ZBTB40: variants seen among roughly 807,000 people sequenced by gnomAD.
ZBTB40 encodes the protein zinc finger and BTB domain containing 40, also known as zinc finger and BTB domain-containing protein 40.
ZBTB40 carries 60 observed loss-of-function variants against 117.5 expected under a neutral mutation model. That is an observed-to-expected ratio of 0.51 (90% CI 0.41 to 0.63). The LOEUF (loss-of-function observed/expected upper bound fraction) is 0.63. Among genes scored for constraint, ZBTB40 ranks in the 30% least tolerant of loss-of-function variants. The probability of loss-of-function intolerance (pLI) is 0.00; values close to 1 mark genes in which losing one functional copy is unlikely to be tolerated. For synonymous variants in ZBTB40, 525 were observed against 577.1 expected, an observed-to-expected ratio of 0.91 and a Z score of 1.29; for missense variants, 1,287 against 1,498.5, an observed-to-expected ratio of 0.86 and a Z score of 2.33.
At position 22,524,655 on chromosome 1, in the gene ZBTB40, T is replaced by C. The variant is rs117947137; in HGVS notation, c.3525+211T>C. On this transcript the variant is annotated intron_variant, in intron 17 of 17. Coordinates refer to ENST00000375647, the MANE Select transcript of ZBTB40 (RefSeq NM_014870.4). ...GGTAGAGGGAGCCTGGAACAATAATTTCCAAAAGAGGAACAGCTTGGTTCC... is the reference window on the plus strand; with the variant it reads ...GGTAGAGGGAGCCTGGAACAATAATCTCCAAAAGAGGAACAGCTTGGTTCC... 1.2e-4 allele frequency among the ~76,000 whole-genome samples: 18 copies of C among 152,270 alleles called. No homozygotes were observed. In the East Asian group the frequency reaches 3.5e-3, roughly 29 times the overall value.
At chr1:22,483,019 C>T (rs570495548) in intron 1 of ZBTB40, among the ~76,000 whole-genome samples, 20 of 149,858 alleles carry the variant, frequency 1.3e-4, no homozygotes, top group African/African-American at 4.9e-4. Flanking sequence ...GCAGAGCTTG[C>T]AGTGAGCCGA....
chr1:22,514,364 G>C (rs532001782), intron 12 of ZBTB40, among the ~76,000 whole-genome samples: 1 of 152,240 alleles, frequency 6.6e-6, no homozygotes, highest in Non-Finnish European at 1.5e-5. Context: ...TTCTTCAATG[G>C]CTTTTTGTCC....
intron 3 of ZBTB40, among the ~76,000 whole-genome samples, chr1:22,492,461 C>T (rs1638658870): frequency 6.6e-6 from 1 of 152,206 alleles, no homozygotes; most frequent in Non-Finnish European, 1.5e-5. Context: ...ATTTATTTCC[C>T]TTTTCTCCCA....
intron 16 of ZBTB40, among the ~76,000 whole-genome samples, chr1:22,523,110 A>C (rs1217093787): frequency 6.6e-6 from 1 of 150,534 alleles, no homozygotes; most frequent in Non-Finnish European, 1.5e-5. Context: ...ACCACACCCG[A>C]CTAATTTTTT....
intron 1 of ZBTB40, among the ~76,000 whole-genome samples, chr1:22,479,539 G>A (rs1048765501): frequency 6.6e-6 from 1 of 152,064 alleles, no homozygotes; most frequent in Non-Finnish European, 1.5e-5. Context: ...TATCAGCCTA[G>A]TTGTCATTCT....
At chr1:22,498,663 A>G (rs1638844745) in intron 3 of ZBTB40, among the ~76,000 whole-genome samples, 1 of 152,216 alleles carries the variant, frequency 6.6e-6, no homozygotes, top group Non-Finnish European at 1.5e-5. Flanking sequence ...CAGAGAGGAT[A>G]ATGAGAAGCA....
intron 8 of ZBTB40, 46 bp downstream of exon 8, chr1:22,508,777 A>G: frequency 6.3e-7 from 1 of 1,575,710 alleles, no homozygotes; most frequent in Admixed American, 1.7e-5. Context: ...ACTAGAGATG[A>G]CTGTCAGTCT....
At chr1:22,463,068 A>C (rs1461706704) in intron 1 of ZBTB40, among the ~76,000 whole-genome samples, 1 of 152,230 alleles carries the variant, frequency 6.6e-6, no homozygotes, top group African/African-American at 2.4e-5. Context: ...GTAGTAGCTC[A>C]TTCATACAAC....
chr1:22,485,318 T>C (rs556403195), intron 1 of ZBTB40, among the ~76,000 whole-genome samples: 1 of 152,338 alleles, frequency 6.6e-6, no homozygotes, highest in African/African-American at 2.4e-5. Context: ...TCACCTACTT[T>C]AATAGATATA....
intron 1 of ZBTB40, among the ~76,000 whole-genome samples, chr1:22,483,367 C>T (rs141215126): frequency 1.1e-4 from 17 of 152,126 alleles, no homozygotes; most frequent in African/African-American, 4.1e-4. Context: ...TTGTAAGAAA[C>T]TGTTAATCTG....
intron 10 of ZBTB40, 152 bp downstream of exon 10, chr1:22,511,499 TA>T (rs1639232130): frequency 1.5e-6 from 2 of 1,296,528 alleles, no homozygotes; most frequent in East Asian, 2.5e-5. Context: ...TCATGAGACA[TA>T]GGGGGAAAAT....
chr1:22,445,803 T>C (rs1054259036), intron 1 of ZBTB40, among the ~76,000 whole-genome samples: 2 of 147,246 alleles, frequency 1.4e-5, no homozygotes, highest in Admixed American at 1.4e-4. Flanking sequence ...TGCAGTGAGC[T>C]GAGATCACAC....
At chr1:22,515,021 G>A (rs1314516946) in intron 12 of ZBTB40, among the ~76,000 whole-genome samples, 1 of 152,180 alleles carries the variant, frequency 6.6e-6, no homozygotes, top group African/African-American at 2.4e-5. Context: ...TTACTATGAA[G>A]AAGCATAAAG....
chr1:22,447,472 G>A (rs533914895), upstream of ZBTB40, among the ~76,000 whole-genome samples: 1 of 152,318 alleles, frequency 6.6e-6, no homozygotes, highest in South Asian at 2.1e-4. Flanking sequence ...GGCAGAGAAT[G>A]GCAGGTGGGC....
intron 1 of ZBTB40, among the ~76,000 whole-genome samples, chr1:22,442,457 G>C (rs1264460054): frequency 2.6e-5 from 4 of 151,280 alleles, no homozygotes; most frequent in Admixed American, 2.0e-4. Context: ...GTCAGAGGAG[G>C]CAGCCCTGAG....
At chr1:22,475,030 G>A (rs1334156531) in intron 1 of ZBTB40, among the ~76,000 whole-genome samples, 5 of 151,874 alleles carry the variant, frequency 3.3e-5, no homozygotes, top group Admixed American at 1.3e-4. Context: ...CCCATAGGAG[G>A]GTGCAGAATT....
chr1:22,440,092 A>G (rs184203496), intron 1 of ZBTB40, among the ~76,000 whole-genome samples: 1 of 152,150 alleles, frequency 6.6e-6, no homozygotes, highest in Non-Finnish European at 1.5e-5. Flanking sequence ...TTGTAAATGG[A>G]ACTGTTTTTG....
intron 1 of ZBTB40, among the ~76,000 whole-genome samples, chr1:22,481,787 CAA>C (rs766474050): frequency 0.027 from 1,734 of 64,194 alleles, 25 homozygotes; most frequent in Admixed American, 0.084. Flanking sequence ...CTTGTTTTAC[CAA>C]AAAAAAAAAA....
intron 5 of ZBTB40, among the ~76,000 whole-genome samples, chr1:22,503,549 C>T (rs1034279310): frequency 1.3e-5 from 2 of 152,132 alleles, no homozygotes; most frequent in Admixed American, 1.3e-4. Context: ...CCTGAATTTA[C>T]AGTGAGGACT....
Sources: gnomAD v4.1 joint callset for allele counts (sites outside exome capture counted in the v4.1 genomes callset) on GRCh38, gnomAD v4.1.1 for gene constraint, MANE v1.5 for transcripts, NCBI Gene and HGNC (gene_info 2026-07-23, HGNC 2026-07-21) for gene names.